The following PRRC2B variants were observed in gnomAD, a reference collection of about 807,000 sequenced individuals.
PRRC2B encodes protein PRRC2B.
A neutral mutation model predicts 242.3 loss-of-function variants in PRRC2B; 68 were observed. That is an observed-to-expected ratio of 0.28 (90% CI 0.23 to 0.34). The LOEUF is 0.34. PRRC2B is among the 10% of genes least tolerant of loss of function. PRRC2B has a pLI of 1.00. For missense variants in PRRC2B, 2,835 were observed against 2,954.8 expected (o/e 0.96, Z 0.94); for synonymous variants, 1,228 against 1,173.6 (o/e 1.05, Z -0.95).
chr9:131,468,875 T>C (rs1242709427), intron 13 of PRRC2B, among the ~76,000 whole-genome samples: 1 of 152,174 alleles, frequency 6.6e-6, no homozygotes, highest in African/African-American at 2.4e-5. Flanking sequence ...TTTAATGTGA[T>C]TTTAGAGCAT....
intron 1 of PRRC2B, among the ~76,000 whole-genome samples, chr9:131,403,873 A>C (rs189372553): frequency 3.3e-5 from 5 of 152,254 alleles, no homozygotes; most frequent in South Asian, 2.1e-4. Flanking sequence ...GGCATTTTCA[A>C]AATATCACAG....
intron 1 of PRRC2B, among the ~76,000 whole-genome samples, chr9:131,401,243 A>G (rs1837219746): frequency 6.6e-6 from 1 of 152,110 alleles, no homozygotes; most frequent in Non-Finnish European, 1.5e-5. Flanking sequence ...GGCGTGAAGC[A>G]CTTTCACAGT....
chr9:131,486,419 A>C, intron 26 of PRRC2B: 1 of 900,720 alleles, frequency 1.1e-6, no homozygotes, highest in African/African-American at 1.8e-5. Context: ...CCTTTCTCAA[A>C]GTTCTCCCTC....
intron 1 of PRRC2B, among the ~76,000 whole-genome samples, chr9:131,378,121 C>A (rs575053174): frequency 6.6e-6 from 1 of 151,892 alleles, no homozygotes; most frequent in East Asian, 1.9e-4. Flanking sequence ...CCAGTCTGAC[C>A]AACATGGTGA....
chr9:131,455,012 A>T (rs1251962910), intron 9 of PRRC2B, 64 bp from the exon 10 acceptor site: 1 of 1,283,432 alleles, frequency 7.8e-7, no homozygotes, highest in Non-Finnish European at 1.1e-6. Context: ...ATGAGCCACC[A>T]CGTCCGGCCA....
intron 1 of PRRC2B, among the ~76,000 whole-genome samples, chr9:131,420,499 T>TCTTTCCTTTCTTTCTTTC (rs889470295): frequency 2.4e-5 from 2 of 84,492 alleles, no homozygotes; most frequent in African/African-American, 8.9e-5. Flanking sequence ...CTTTCTTTTT[T>TCTTTCCTTTCTTTCTTTC]TTTTTTTTTT....
chr9:131,449,303 CAT>C (rs1942839385), intron 9 of PRRC2B, among the ~76,000 whole-genome samples: 1 of 152,142 alleles, frequency 6.6e-6, no homozygotes, highest in South Asian at 2.1e-4. Context: ...TGCCATTTTA[CAT>C]TCCCAGCAGC....
intron 1 of PRRC2B, among the ~76,000 whole-genome samples, chr9:131,374,591 T>C (rs1287770616): frequency 6.6e-6 from 1 of 152,042 alleles, no homozygotes; most frequent in Non-Finnish European, 1.5e-5. Context: ...AGTGGTGTGA[T>C]CTTGGCTCAC....
chr9:131,424,716 G>A (rs188686077), intron 1 of PRRC2B, among the ~76,000 whole-genome samples: 32 of 152,112 alleles, frequency 2.1e-4, no homozygotes, highest in Admixed American at 2.0e-3. Flanking sequence ...AAGATGGAGG[G>A]CATTAAAGAA....
chr9:131,423,886 A>G (rs767752098), intron 1 of PRRC2B, among the ~76,000 whole-genome samples: 6 of 151,416 alleles, frequency 4.0e-5, no homozygotes, highest in Non-Finnish European at 8.8e-5. Context: ...ATAGGATCCA[A>G]TCCCAGGCTT....
chr9:131,480,046 A>G (rs939903996), intron 19 of PRRC2B, among the ~76,000 whole-genome samples: 1 of 152,194 alleles, frequency 6.6e-6, no homozygotes, highest in Non-Finnish European at 1.5e-5. Context: ...CTGTTAGCCC[A>G]GAGCATGCAT....
chr9:131,420,447 TTTTC>T (rs1268348537), intron 1 of PRRC2B, among the ~76,000 whole-genome samples: 4 of 118,454 alleles, frequency 3.4e-5, no homozygotes, highest in Admixed American at 8.9e-5. Flanking sequence ...TTCTTTTTCT[TTTTC>T]TTTTTCTTTC....
chr9:131,417,393 G>C (rs1436887056), intron 1 of PRRC2B, among the ~76,000 whole-genome samples: 1 of 152,036 alleles, frequency 6.6e-6, no homozygotes, highest in Non-Finnish European at 1.5e-5. Flanking sequence ...AATGTATCCA[G>C]TGGGGGAGGG....
In PRRC2B at chr9:131,453,718, A is replaced by C. The variant is rs146357983; in HGVS notation, c.1121-1358A>C. ...GGCTACTTTTCTGTATTTTTAGTAG[A>C]GATATGGTTTCGCCATGTTGCCCAG... On this transcript the variant is annotated intron_variant, in intron 9 of 31. Transcript: ENST00000683519. 5.3e-5 allele frequency among the ~76,000 whole-genome samples: 8 copies of C among 152,224 alleles called. No homozygotes were observed. In the East Asian group the frequency reaches 1.5e-3, roughly 29 times the overall value.
chr9:131,471,106 C>G, intron 14 of PRRC2B, 123 bp downstream of exon 14: 2 of 617,678 alleles, frequency 3.2e-6, no homozygotes, highest in South Asian at 4.5e-5. Flanking sequence ...AAGTACACAA[C>G]TGGTCTGAGT....
At chr9:131,450,808 G>C (rs568229258) in intron 9 of PRRC2B, among the ~76,000 whole-genome samples, 1 of 151,778 alleles carries the variant, frequency 6.6e-6, no homozygotes, top group Non-Finnish European at 1.5e-5. Context: ...GGCTGATCTC[G>C]AACTCCTGAC....
At chr9:131,435,373 G>GGGAGGCTGAACTGAGCAGATC (rs1401488792) in intron 3 of PRRC2B, among the ~76,000 whole-genome samples, 2 of 151,978 alleles carry the variant, frequency 1.3e-5, no homozygotes, top group Admixed American at 1.3e-4. Context: ...CCAGCACTTT[G>GGGAGGCTGAACTGAGCAGATC]GGAGGCTGAA....
chr9:131,410,668 G>C (rs1837485007), intron 1 of PRRC2B, among the ~76,000 whole-genome samples: 1 of 152,164 alleles, frequency 6.6e-6, no homozygotes. Context: ...ACCCTTCTCT[G>C]AGTGGTTTAT....
At chr9:131,374,436 T>C (rs1413768865) in intron 1 of PRRC2B, among the ~76,000 whole-genome samples, 2 of 152,370 alleles carry the variant, frequency 1.3e-5, no homozygotes, top group East Asian at 1.9e-4. Context: ...CAGAATGATA[T>C]TAAATTTTGC....
Sources: gnomAD v4.1 joint callset for allele counts (sites outside exome capture counted in the v4.1 genomes callset) on GRCh38, gnomAD v4.1.1 for gene constraint, MANE v1.5 for transcripts, NCBI Gene and HGNC (gene_info 2026-07-23, HGNC 2026-07-21) for gene names.